Variants in GOLPH3 observed in about 807,000 individuals in gnomAD.
GOLPH3 encodes the protein coat protein GPP34.
Under a neutral mutation model 28.5 loss-of-function variants are expected in GOLPH3, and 14 were observed. That is an observed-to-expected ratio of 0.49 (90% CI 0.32 to 0.77). GOLPH3 has a LOEUF of 0.77. Ranked by LOEUF, GOLPH3 falls within the 30% of genes least tolerant of loss-of-function variation. The pLI is 0.03. For synonymous variants in GOLPH3, 158 were observed against 159.2 expected, an observed-to-expected ratio of 0.99 and a Z score of 0.06; for missense variants, 350 against 393.7, an observed-to-expected ratio of 0.89 and a Z score of 0.94.
rs934946183 is a variant in GOLPH3 at position 32,130,997 on chromosome 5, T to C, written c.473-4361A>G. ...AGAAGAGCCTAAACACAGACCACCT[T>C]CAAATAAAGTATTCCACTTATGACT... On this transcript the variant is annotated intron_variant, in intron 3 of 3. Coordinates refer to ENST00000265070, the MANE Select transcript of GOLPH3 (RefSeq NM_022130.4). 2.0e-5 allele frequency among the ~76,000 whole-genome samples: 3 copies of C among 152,208 alleles called. No homozygotes were observed. In the East Asian group the frequency reaches 5.8e-4, roughly 29 times the overall value.
chr5:32,144,676 T>A (rs1472038314), intron 1 of GOLPH3, among the ~76,000 whole-genome samples: 2 of 152,070 alleles, frequency 1.3e-5, no homozygotes, highest in African/African-American at 4.8e-5. Flanking sequence ...AGGCCTAAAA[T>A]TCTCAATAAT....
intron 1 of GOLPH3, among the ~76,000 whole-genome samples, chr5:32,155,251 T>G (rs913863279): frequency 6.6e-6 from 1 of 152,196 alleles, no homozygotes; most frequent in Non-Finnish European, 1.5e-5. Flanking sequence ...AGTGGCTTGA[T>G]CATAGCTCAC....
At chr5:32,136,342 G>A (rs182746446) in intron 2 of GOLPH3, among the ~76,000 whole-genome samples, 221 of 151,934 alleles carry the variant, frequency 1.5e-3, no homozygotes, top group African/African-American at 5.2e-3. Flanking sequence ...TTAGCTGGGC[G>A]TGGTGGCAGG....
At chr5:32,171,536 G>A (rs1312144083) in intron 1 of GOLPH3, among the ~76,000 whole-genome samples, 1 of 150,448 alleles carries the variant, frequency 6.6e-6, no homozygotes, top group East Asian at 1.9e-4. Context: ...TTATCCACAC[G>A]GAAAACTCTC....
intron 1 of GOLPH3, among the ~76,000 whole-genome samples, chr5:32,149,339 G>A (rs1746252689): frequency 6.6e-6 from 1 of 152,162 alleles, no homozygotes; most frequent in Admixed American, 6.5e-5. Context: ...TAATACAGTG[G>A]GTGCCCAGGG....
intron 3 of GOLPH3, chr5:32,134,849 CCT>C (rs1234869773): frequency 2.0e-5 from 3 of 150,526 alleles, no homozygotes; most frequent in Admixed American, 2.0e-4. Flanking sequence ...CCTAAAAAAA[CCT>C]CTTTTACTGA....
chr5:32,137,487 G>A (rs1441275521), intron 2 of GOLPH3, among the ~76,000 whole-genome samples: 4 of 151,652 alleles, frequency 2.6e-5, no homozygotes, highest in Admixed American at 6.6e-5. Context: ...GGTGAAACCC[G>A]GTCTCTACTA....
At chr5:32,163,089 A>G (rs4320272) in intron 1 of GOLPH3, among the ~76,000 whole-genome samples, 22,870 of 152,230 alleles carry the variant, frequency 0.15, 2,115 homozygotes, top group Middle Eastern at 0.21. Context: ...AAAATAAAAA[A>G]TAAAAAAGTA....
At chr5:32,171,969 C>A (rs1746847358) in intron 1 of GOLPH3, among the ~76,000 whole-genome samples, 1 of 151,684 alleles carries the variant, frequency 6.6e-6, no homozygotes, top group Non-Finnish European at 1.5e-5. Flanking sequence ...AAAAAAAAGA[C>A]AAATGTTTAT....
At chr5:32,143,584 G>C (rs1447191530) in intron 2 of GOLPH3, among the ~76,000 whole-genome samples, 165 bp downstream of exon 2, 1 of 152,168 alleles carries the variant, frequency 6.6e-6, no homozygotes, top group Non-Finnish European at 1.5e-5. Flanking sequence ...CATTGTAGGT[G>C]AAAGAACCAG....
chr5:32,133,596 T>C (rs1430414031), intron 3 of GOLPH3, among the ~76,000 whole-genome samples: 1 of 152,242 alleles, frequency 6.6e-6, no homozygotes, highest in African/African-American at 2.4e-5. Flanking sequence ...TATTTCTATT[T>C]TAAAACATTA....
chr5:32,130,094 G>A lies in GOLPH3; in HGVS notation c.473-3458C>T, dbSNP rs553024304. ...CTGACATCGTGATCCACCCACCTGG[G>A]CCTCCCAAAATGCTGGGATTACAGG... On this transcript the variant is annotated intron_variant, in intron 3 of 3. Coordinates refer to ENST00000265070, the MANE Select transcript of GOLPH3 (RefSeq NM_022130.4). Among the ~76,000 whole-genome samples the A allele has an allele frequency of 6.0e-4, 91 of 152,248 alleles. 1 individual carries two copies. The highest frequency in any genetic ancestry group is 2.0e-3 in the African/African-American group (84 of 41,546).
rs1745655157 is a variant in GOLPH3 at position 32,125,391 on chromosome 5, C to A, written c.*821G>T. On this transcript the variant is annotated 3_prime_UTR_variant, in exon 4 of 4. Coordinates refer to ENST00000265070, the MANE Select transcript of GOLPH3 (RefSeq NM_022130.4). ...AAAATCCCAGGACCAATCAGACACA[C>A]ATCTTTTCTCTCTCCTTCAGCGACA... 6.6e-6 allele frequency: 1 copy of A among 152,664 alleles called. No homozygotes were observed. The highest frequency in any genetic ancestry group is 2.4e-5 in the African/African-American group (1 of 41,460). 9.5% of individuals were successfully genotyped at this position (152,664 alleles called of 1,614,324 possible).
chr5:32,155,288 T>C (rs1485689788), intron 1 of GOLPH3, among the ~76,000 whole-genome samples: 2 of 152,090 alleles, frequency 1.3e-5, no homozygotes, highest in Non-Finnish European at 2.9e-5. Flanking sequence ...TGGGCTGAAA[T>C]GATCTGCCCA....
intron 1 of GOLPH3, among the ~76,000 whole-genome samples, chr5:32,159,065 T>C (rs1406860534): frequency 1.3e-5 from 2 of 152,220 alleles, no homozygotes; most frequent in African/African-American, 2.4e-5. Context: ...ATGAAATTGG[T>C]CTGCCTGGCT....
At chr5:32,171,006 A>T (rs138566890) in intron 1 of GOLPH3, among the ~76,000 whole-genome samples, 1 of 152,182 alleles carries the variant, frequency 6.6e-6, no homozygotes, top group Non-Finnish European at 1.5e-5. Context: ...AAGTATAATG[A>T]GTGACTCTTG....
intron 2 of GOLPH3, among the ~76,000 whole-genome samples, chr5:32,139,127 CCAT>C (rs1336634727): frequency 3.3e-5 from 5 of 152,172 alleles, no homozygotes; most frequent in African/African-American, 1.2e-4. Context: ...TCACTTTTCT[CCAT>C]CATCTTGCCA....
At chr5:32,137,643 G>A (rs2111846356) in intron 2 of GOLPH3, among the ~76,000 whole-genome samples, 2 of 152,080 alleles carry the variant, frequency 1.3e-5, no homozygotes, top group South Asian at 2.1e-4. Flanking sequence ...TGGGCGACAA[G>A]AGCAAAAATC....
At chr5:32,142,079 G>A (rs1265061035) in intron 2 of GOLPH3, among the ~76,000 whole-genome samples, 1 of 151,740 alleles carries the variant, frequency 6.6e-6, no homozygotes, top group East Asian at 2.0e-4. Flanking sequence ...TCTGGGATGT[G>A]AGGAGCCCCT....
Sources: gnomAD v4.1 joint callset for allele counts (sites outside exome capture counted in the v4.1 genomes callset) on GRCh38, gnomAD v4.1.1 for gene constraint, MANE v1.5 for transcripts, NCBI Gene and HGNC (gene_info 2026-07-23, HGNC 2026-07-21) for gene names.